Variants in FAM168A observed in about 807,000 individuals in gnomAD.
FAM168A encodes the protein family with sequence similarity 168 member A.
In FAM168A, 3 loss-of-function variants were observed where a neutral mutation model predicts 28.5. The observed-to-expected ratio is 0.11, with a 90% CI of 0.05 to 0.27. The LOEUF (loss-of-function observed/expected upper bound fraction) is 0.27. FAM168A is among the 10% of genes least tolerant of loss of function. The pLI, the probability that FAM168A is intolerant of heterozygous loss-of-function variation, is 1.00. For synonymous variants in FAM168A, 122 were observed against 124.2 expected (o/e 0.98, Z 0.12); for missense variants, 222 against 311.5 (o/e 0.71, Z 2.16).
At chr11:73,579,010 T>TAGA (rs1368738321) in intron 1 of FAM168A, among the ~76,000 whole-genome samples, 1 of 152,232 alleles carries the variant, frequency 6.6e-6, no homozygotes, top group Non-Finnish European at 1.5e-5. Flanking sequence ...ATCTGGTGTC[T>TAGA]GGTGACAGTC....
At chr11:73,571,264 C>CCTCTCT (rs1024560082) in intron 1 of FAM168A, among the ~76,000 whole-genome samples, 1,393 of 139,292 alleles carry the variant, frequency 0.01, 25 homozygotes, top group African/African-American at 0.031. Context: ...TCTCCCTCTC[C>CCTCTCT]CTCTCTTTCC....
At chr11:73,531,688 A>G (rs987840506) in intron 1 of FAM168A, among the ~76,000 whole-genome samples, 4 of 151,884 alleles carry the variant, frequency 2.6e-5, no homozygotes, top group African/African-American at 9.7e-5. Flanking sequence ...TAAAACAACA[A>G]GCTCTTTCAT....
Position 73,486,282 on chromosome 11 carries a change from C to T in FAM168A, c.-18-17790G>A, listed in dbSNP as rs548978008. Among the ~76,000 whole-genome samples, 3 of 152,252 alleles carry T rather than the reference C, an allele frequency of 2.0e-5. No homozygotes were observed. The South Asian group carries it at 6.2e-4, about 32-fold the overall frequency. On this transcript the variant is annotated intron_variant, in intron 1 of 7. Coordinates refer to ENST00000356467, the MANE Select transcript of FAM168A (RefSeq NM_015159.3). ...TAAACACATTCACATTGTCATGCAA[C>T]CATCACCACCATCCATCTCCAGAAC...
intron 1 of FAM168A, among the ~76,000 whole-genome samples, chr11:73,543,409 C>T (rs555911464): frequency 1.3e-5 from 2 of 151,838 alleles, no homozygotes; most frequent in East Asian, 1.9e-4. Context: ...TACAGGCACC[C>T]GCCACCATGC....
In FAM168A at chr11:73,545,068, C is replaced by T. The variant is rs1490484780; in HGVS notation, c.-19+52855G>A. ...TTGGAGACAGTCTCCCTCTGTCACCCAGGCTGGAGTGCAGCGCCACAATCT... is the reference window on the plus strand; with the variant it reads ...TTGGAGACAGTCTCCCTCTGTCACCTAGGCTGGAGTGCAGCGCCACAATCT... On this transcript the variant is annotated intron_variant, in intron 1 of 7. Transcript: ENST00000356467. Among the ~76,000 whole-genome samples the T allele has an allele frequency of 2.6e-5, 3 of 116,730 alleles. No homozygotes were observed. In the East Asian group the frequency reaches 6.3e-4, roughly 24 times the overall value. The allele number at this position is 116,730 out of a possible 152,430, so 76.6% of individuals were successfully genotyped here. A position where few individuals can be genotyped will look rare whatever the true frequency, so the allele number is the denominator to read the frequency against.
chr11:73,436,502 A>T (rs768179037), intron 2 of FAM168A, among the ~76,000 whole-genome samples: 8 of 52,878 alleles, frequency 1.5e-4, no homozygotes, highest in Non-Finnish European at 3.4e-4. Flanking sequence ...CCCTAGGGTG[A>T]TCAAAACCAA....
chr11:73,541,204 CAAAT>C (rs1241374104), intron 1 of FAM168A, among the ~76,000 whole-genome samples: 1 of 151,440 alleles, frequency 6.6e-6, no homozygotes, highest in Non-Finnish European at 1.5e-5. Flanking sequence ...GATTCCATCT[CAAAT>C]AAATAAATAA....
intron 1 of FAM168A, among the ~76,000 whole-genome samples, chr11:73,549,197 C>A (rs929397387): frequency 6.6e-6 from 1 of 152,190 alleles, no homozygotes; most frequent in Admixed American, 6.5e-5. Context: ...ACGCCTCAGC[C>A]ACCCAAAGTA....
chr11:73,454,906 C>T (rs1002254683), intron 2 of FAM168A, among the ~76,000 whole-genome samples: 1 of 152,192 alleles, frequency 6.6e-6, no homozygotes, highest in Non-Finnish European at 1.5e-5. Context: ...CCCTTCAATT[C>T]GTTTAGGCTA....
At chr11:73,569,400 T>C (rs945971177) in intron 1 of FAM168A, among the ~76,000 whole-genome samples, 1 of 152,192 alleles carries the variant, frequency 6.6e-6, no homozygotes, top group Non-Finnish European at 1.5e-5. Flanking sequence ...CTGTCTACCA[T>C]GGAATTTTGC....
intron 1 of FAM168A, among the ~76,000 whole-genome samples, chr11:73,547,237 C>T (rs1229844893): frequency 6.6e-6 from 1 of 150,458 alleles, no homozygotes; most frequent in African/African-American, 2.4e-5. Context: ...AGAAGAAATA[C>T]AAATAGCTAA....
rs537907356 is a variant in FAM168A at position 73,439,866 on chromosome 11, G to T, written c.71-9096C>A. Among the ~76,000 whole-genome samples the T allele has an allele frequency of 2.8e-5, 4 of 143,938 alleles. No individual in the cohort carries two copies. In the South Asian group the frequency reaches 6.6e-4, roughly 24 times the overall value. 94.4% of individuals were successfully genotyped at this position (143,938 alleles called of 152,430 possible). On this transcript the variant is annotated intron_variant, in intron 2 of 7. Transcript: ENST00000356467. ...GATAATTTGGTCCATGAATACCTTT[G>T]TCTCTCAGGTCACTTTTTTTTTTTT...
At chr11:73,505,798 T>C (rs145513394) in intron 1 of FAM168A, among the ~76,000 whole-genome samples, 79 of 152,278 alleles carry the variant, frequency 5.2e-4, no homozygotes, top group African/African-American at 1.7e-3. Flanking sequence ...CTAAGGAAAC[T>C]GTTACATGGC....
chr11:73,516,312 A>AT (rs1422047146), intron 1 of FAM168A, among the ~76,000 whole-genome samples: 1 of 152,064 alleles, frequency 6.6e-6, no homozygotes, highest in Admixed American at 6.5e-5. Flanking sequence ...TCTGGTTTCA[A>AT]TTTTTTCATT....
chr11:73,568,811 C>T (rs1808095), intron 1 of FAM168A, among the ~76,000 whole-genome samples: 12,185 of 152,148 alleles, frequency 0.08, 577 homozygotes, highest in Admixed American at 0.11. Flanking sequence ...ATGAGAATTG[C>T]TTGAACCCAG....
chr11:73,556,243 G>T (rs1447603164), intron 1 of FAM168A, among the ~76,000 whole-genome samples: 1 of 151,864 alleles, frequency 6.6e-6, no homozygotes, highest in Non-Finnish European at 1.5e-5. Flanking sequence ...TAGCTGGTTG[G>T]GAGGCTGAGG....
intron 1 of FAM168A, among the ~76,000 whole-genome samples, chr11:73,564,168 A>C (rs2134709873): frequency 6.6e-6 from 1 of 152,276 alleles, no homozygotes; most frequent in East Asian, 1.9e-4. Flanking sequence ...TTTACCCCTA[A>C]ACCAATCACT....
At chr11:73,501,928 C>T (rs1316214597) in intron 1 of FAM168A, among the ~76,000 whole-genome samples, 3 of 151,934 alleles carry the variant, frequency 2.0e-5, no homozygotes, top group African/African-American at 4.8e-5. Flanking sequence ...GGTGAAACCC[C>T]GCCTCTATTA....
At chr11:73,498,370 C>T (rs1229751807) in intron 1 of FAM168A, among the ~76,000 whole-genome samples, 1 of 152,164 alleles carries the variant, frequency 6.6e-6, no homozygotes, top group Non-Finnish European at 1.5e-5. Context: ...GCTACCCAGC[C>T]AGGGAGAGTG....
Sources: gnomAD v4.1 joint callset for allele counts (sites outside exome capture counted in the v4.1 genomes callset) on GRCh38, gnomAD v4.1.1 for gene constraint, MANE v1.5 for transcripts, NCBI Gene and HGNC (gene_info 2026-07-23, HGNC 2026-07-21) for gene names.